CHRM3: variants seen among roughly 807,000 people sequenced by gnomAD.
The protein encoded by CHRM3 is cholinergic receptor muscarinic 3.
A neutral mutation model predicts 41.8 loss-of-function variants in CHRM3; 11 were observed. That is an observed-to-expected ratio of 0.26 (90% CI 0.17 to 0.44). The LOEUF is 0.44. Ranked by LOEUF, CHRM3 falls within the 20% of genes least tolerant of loss-of-function variation. CHRM3 has a pLI of 1.00. For synonymous variants in CHRM3, 297 were observed against 301.4 expected (o/e 0.99, Z 0.15); for missense variants, 571 against 745.4 (o/e 0.77, Z 2.72).
At chr1:239,656,597 C>T (rs1231678231) in intron 4 of CHRM3, among the ~76,000 whole-genome samples, 4 of 152,094 alleles carry the variant, frequency 2.6e-5, no homozygotes, top group African/African-American at 4.8e-5. Context: ...GTCATGATCA[C>T]ACCACTGCAC....
chr1:239,558,323 G>A (rs1489355397), intron 3 of CHRM3, among the ~76,000 whole-genome samples: 2 of 151,894 alleles, frequency 1.3e-5, no homozygotes, highest in African/African-American at 2.4e-5. Context: ...CTTTTTAATG[G>A]GATTGCTTTT....
intron 1 of CHRM3, among the ~76,000 whole-genome samples, chr1:239,394,712 T>TA (rs1298052187): frequency 4.6e-5 from 7 of 152,196 alleles, no homozygotes; most frequent in Non-Finnish European, 1.0e-4. Flanking sequence ...ATCCCCTTTA[T>TA]ATTGAGCCAA....
chr1:239,566,622 A>G (rs1266791185), intron 3 of CHRM3, among the ~76,000 whole-genome samples: 1 of 152,108 alleles, frequency 6.6e-6, no homozygotes, highest in African/African-American at 2.4e-5. Flanking sequence ...TTTTTATCTT[A>G]TATTGCTGTC....
chr1:239,756,365 T>A (rs923646952), intron 5 of CHRM3, among the ~76,000 whole-genome samples: 4 of 152,234 alleles, frequency 2.6e-5, no homozygotes, highest in African/African-American at 9.6e-5. Context: ...AAATGAAACA[T>A]ATCTGTTCCA....
At chr1:239,422,747 A>G (rs6658589) in intron 1 of CHRM3, among the ~76,000 whole-genome samples, 51 of 152,138 alleles carry the variant, frequency 3.4e-4, no homozygotes, top group African/African-American at 1.2e-3. Flanking sequence ...GTGAGCAGAG[A>G]TGGCACCACT....
intron 2 of CHRM3, among the ~76,000 whole-genome samples, chr1:239,528,887 G>A (rs1415909631): frequency 6.6e-6 from 1 of 151,996 alleles, no homozygotes; most frequent in Non-Finnish European, 1.5e-5. Context: ...AGTGAGAGTT[G>A]GTCTAAAAAC....
intron 1 of CHRM3, among the ~76,000 whole-genome samples, chr1:239,401,505 T>A (rs1659970627): frequency 6.9e-6 from 1 of 144,656 alleles, no homozygotes; most frequent in Admixed American, 6.7e-5. Context: ...CCTTTTTTTT[T>A]TCTTTTTTGA....
intron 4 of CHRM3, among the ~76,000 whole-genome samples, chr1:239,660,796 G>A (rs1014632054): frequency 2.6e-5 from 4 of 152,122 alleles, no homozygotes; most frequent in African/African-American, 9.7e-5. Context: ...AGGTACAATT[G>A]CTTGAACCTG....
intron 5 of CHRM3, among the ~76,000 whole-genome samples, chr1:239,810,627 A>T (rs1391328580): frequency 6.6e-6 from 1 of 152,220 alleles, no homozygotes; most frequent in African/African-American, 2.4e-5. Flanking sequence ...TCCAGTAGCC[A>T]CCATTGAGGG....
rs534617829 is a variant in CHRM3 at position 239,822,575 on chromosome 1, C to T, written c.-146-4677C>T. Among the ~76,000 whole-genome samples, 9 of 152,098 alleles carry T rather than the reference C, an allele frequency of 5.9e-5. No homozygotes were observed. In the South Asian group the frequency reaches 1.5e-3, roughly 25 times the overall value. Reference sequence around the variant, plus strand: ...TTACAACTTGAAAAATTACAGACACCGATTTAAAAATGTAGACTGAGCCCC... The same window carrying T: ...TTACAACTTGAAAAATTACAGACACTGATTTAAAAATGTAGACTGAGCCCC... On this transcript the variant is annotated intron_variant, in intron 5 of 6. Transcript: ENST00000676153.
At chr1:239,900,001 T>C (rs1394366683) in intron 6 of CHRM3, 1 of 152,252 alleles carries the variant, frequency 6.6e-6, no homozygotes, top group Non-Finnish European at 1.5e-5. Flanking sequence ...CGAAGGTCAC[T>C]GGGCTGACAA....
chr1:239,595,166 A>C (rs1011647960), intron 3 of CHRM3, among the ~76,000 whole-genome samples: 2 of 152,240 alleles, frequency 1.3e-5, no homozygotes, highest in African/African-American at 4.8e-5. Flanking sequence ...TTCCCTAAAC[A>C]ATACAGCAAA....
At chr1:239,769,007 C>T (rs573461519) in intron 5 of CHRM3, among the ~76,000 whole-genome samples, 1 of 152,240 alleles carries the variant, frequency 6.6e-6, no homozygotes, top group South Asian at 2.1e-4. Flanking sequence ...TCAAGTGATC[C>T]ACCCACCTCG....
At chr1:239,585,000 T>C (rs1663263388) in intron 3 of CHRM3, among the ~76,000 whole-genome samples, 2 of 151,634 alleles carry the variant, frequency 1.3e-5, no homozygotes, top group African/African-American at 4.8e-5. Context: ...TTCAAATAAT[T>C]TCATGATTTG....
At chr1:239,602,110 G>GTGTGTATATATATA (rs1307023039) in intron 3 of CHRM3, among the ~76,000 whole-genome samples, 7 of 112,860 alleles carry the variant, frequency 6.2e-5, no homozygotes, top group African/African-American at 2.4e-4. Context: ...GTGTGTGTGT[G>GTGTGTATATATATA]TATATATATA....
At chr1:239,776,238 C>A (rs74150673) in intron 5 of CHRM3, among the ~76,000 whole-genome samples, 2,207 of 152,228 alleles carry the variant, frequency 0.014, 59 homozygotes, top group African/African-American at 0.049. Flanking sequence ...TCCATGTTAC[C>A]AGCTTTGTGC....
intron 2 of CHRM3, among the ~76,000 whole-genome samples, chr1:239,498,880 T>A (rs74587084): frequency 0.012 from 1,827 of 152,314 alleles, 34 homozygotes; most frequent in South Asian, 0.038. Context: ...TGTTTGATCT[T>A]CACCTCCTTT....
chr1:239,517,461 C>T, intron 2 of CHRM3, among the ~76,000 whole-genome samples: 1 of 152,192 alleles, frequency 6.6e-6, no homozygotes, highest in Non-Finnish European at 1.5e-5. Context: ...CATCACTTGC[C>T]ATTCCTATGT....
At position 239,608,093 on chromosome 1, in the gene CHRM3, T is replaced by C. The variant is rs150835186; in HGVS notation, c.-312-24131T>C. On this transcript the variant is annotated intron_variant, in intron 3 of 6. Coordinates refer to ENST00000676153, the MANE Select transcript of CHRM3 (RefSeq NM_001375978.1). ...TCATGAGGTTCTAACTACCTTTATT[T>C]GTATAGGCTCCACCCTATATCATAA... Among the ~76,000 whole-genome samples, 418 of 152,350 alleles carry C rather than the reference T, an allele frequency of 2.7e-3. 2 individuals are homozygous for C. The highest frequency in any genetic ancestry group is 9.2e-3 in the African/African-American group (382 of 41,588).
Sources: gnomAD v4.1 joint callset for allele counts (sites outside exome capture counted in the v4.1 genomes callset) on GRCh38, gnomAD v4.1.1 for gene constraint, MANE v1.5 for transcripts, NCBI Gene and HGNC (gene_info 2026-07-23, HGNC 2026-07-21) for gene names.